SNX24: variants seen among roughly 807,000 people sequenced by gnomAD.
SNX24 encodes the protein sorting nexin-24.
Under a neutral mutation model 28.7 loss-of-function variants are expected in SNX24, and 22 were observed. The observed-to-expected ratio is 0.77, with a 90% confidence interval of 0.55 to 1.10. SNX24 has a LOEUF of 1.10. Among genes scored for constraint, SNX24 ranks in the 50% least tolerant of loss-of-function variants. The pLI is 0.00. For missense variants in SNX24, 221 were observed against 201.1 expected (o/e 1.10, Z -0.60); for synonymous variants, 69 against 71.5 (o/e 0.96, Z 0.18).
intron 1 of SNX24, among the ~76,000 whole-genome samples, chr5:122,907,834 G>A (rs1254556859): frequency 6.6e-6 from 1 of 150,612 alleles, no homozygotes; most frequent in African/African-American, 2.4e-5. Context: ...TTAACACCGT[G>A]GTATAAAATT....
intron 1 of SNX24, among the ~76,000 whole-genome samples, chr5:122,857,506 C>T (rs778840466): frequency 5.3e-5 from 8 of 151,740 alleles, no homozygotes; most frequent in Non-Finnish European, 1.0e-4. Flanking sequence ...TCTCATCATC[C>T]GGGTACTAAA....
intron 3 of SNX24, chr5:122,998,275 G>T (rs574105650): frequency 3.3e-5 from 5 of 151,958 alleles, no homozygotes; most frequent in Non-Finnish European, 7.4e-5. Flanking sequence ...TGAATGCATT[G>T]GTAGATGGGA....
chr5:123,014,333 ATTTTTTTTTTTTTTTT>A (rs70988553), intron 5 of SNX24, among the ~76,000 whole-genome samples: 1 of 77,270 alleles, frequency 1.3e-5, no homozygotes, highest in Non-Finnish European at 2.4e-5. Flanking sequence ...TGCCCAGCTG[ATTTTTTTTTTTTTTTT>A]TTTTTTTTTT....
intron 1 of SNX24, among the ~76,000 whole-genome samples, chr5:122,913,732 T>C (rs1241652528): frequency 4.6e-5 from 7 of 152,170 alleles, no homozygotes; most frequent in African/African-American, 1.7e-4. Context: ...GGCTGCAATC[T>C]CGGCACTTTG....
intron 1 of SNX24, among the ~76,000 whole-genome samples, chr5:122,922,620 C>T (rs1045680066): frequency 2.6e-5 from 4 of 152,006 alleles, no homozygotes; most frequent in East Asian, 3.9e-4. Context: ...TCCTGGGTTC[C>T]GTGGTATAAC....
chr5:122,953,322 C>T (rs1370724714), intron 3 of SNX24, among the ~76,000 whole-genome samples: 1 of 152,122 alleles, frequency 6.6e-6, no homozygotes, highest in Non-Finnish European at 1.5e-5. Context: ...CCAGGCTGGT[C>T]TCAAACTCCT....
chr5:122,883,771 T>C (rs1251501152), intron 1 of SNX24, among the ~76,000 whole-genome samples: 1 of 152,106 alleles, frequency 6.6e-6, no homozygotes, highest in Non-Finnish European at 1.5e-5. Flanking sequence ...CACCTTACCC[T>C]CCGGAATAGC....
chr5:122,858,640 A>G (rs891712542), intron 1 of SNX24, among the ~76,000 whole-genome samples: 5 of 152,198 alleles, frequency 3.3e-5, no homozygotes, highest in Admixed American at 6.5e-5. Context: ...GTAGCAGTTT[A>G]TGAGTGTATA....
At chr5:123,019,778 G>T (rs1399191717) in intron 5 of SNX24, among the ~76,000 whole-genome samples, 5 of 152,224 alleles carry the variant, frequency 3.3e-5, no homozygotes. Context: ...CTAGTAACGT[G>T]ATCTGCAAAA....
At chr5:122,962,745 C>G (rs796945674) in intron 3 of SNX24, among the ~76,000 whole-genome samples, 32 of 152,310 alleles carry the variant, frequency 2.1e-4, no homozygotes, top group African/African-American at 7.0e-4. Flanking sequence ...AAAATATTAA[C>G]TCTAGTGGAT....
At chr5:122,980,494 GA>G (rs1288382037) in intron 3 of SNX24, among the ~76,000 whole-genome samples, 1 of 152,026 alleles carries the variant, frequency 6.6e-6, no homozygotes, top group African/African-American at 2.4e-5. Flanking sequence ...GTTTGGGGTT[GA>G]AATTTAATTT....
At chr5:122,914,681 C>A (rs902789374) in intron 1 of SNX24, among the ~76,000 whole-genome samples, 1 of 150,922 alleles carries the variant, frequency 6.6e-6, no homozygotes, top group Non-Finnish European at 1.5e-5. Context: ...AGTTTATTTG[C>A]GTAGAGGTGT....
chr5:122,963,634 T>G (rs1760577463), intron 3 of SNX24, among the ~76,000 whole-genome samples: 2 of 152,206 alleles, frequency 1.3e-5, no homozygotes, highest in South Asian at 4.1e-4. Flanking sequence ...ATATTTTTGA[T>G]TAGTATTTTA....
chr5:122,972,607 G>A (rs1761003411), intron 3 of SNX24, among the ~76,000 whole-genome samples: 1 of 152,210 alleles, frequency 6.6e-6, no homozygotes, highest in African/African-American at 2.4e-5. Context: ...TAGCTGTAAA[G>A]TGAGTGCCTT....
chr5:122,856,525 CTT>C (rs1184957460), intron 1 of SNX24, among the ~76,000 whole-genome samples: 27 of 131,486 alleles, frequency 2.1e-4, no homozygotes, highest in Admixed American at 2.3e-4. Context: ...AGTTCTGTGT[CTT>C]TTTTTTTTTT....
intron 1 of SNX24, among the ~76,000 whole-genome samples, chr5:122,873,164 G>A (rs1257083740): frequency 2.0e-5 from 3 of 151,910 alleles, no homozygotes; most frequent in South Asian, 2.1e-4. Context: ...TTCTAGAGAC[G>A]GGGTTTTGCC....
chr5:122,995,868 G>A (rs933852710), intron 3 of SNX24, among the ~76,000 whole-genome samples: 8 of 152,092 alleles, frequency 5.3e-5, no homozygotes, highest in African/African-American at 1.7e-4. Flanking sequence ...TGATCCCATC[G>A]CTACCCTGCA....
rs141692941 is a variant in SNX24 at position 123,005,460 on chromosome 5, T to C, written c.443-2222T>C. Reference sequence around the variant, plus strand: ...GCCCTCTCCAGCCCATGCCCTGCTGTATTTTTCTCCTTGCCCTGTTCTTGT... The same window carrying C: ...GCCCTCTCCAGCCCATGCCCTGCTGCATTTTTCTCCTTGCCCTGTTCTTGT... On this transcript the variant is annotated intron_variant, in intron 6 of 6. Transcript: ENST00000261369. 4.6e-5 allele frequency among the ~76,000 whole-genome samples: 7 copies of C among 152,362 alleles called. No homozygotes were observed. The East Asian group carries it at 1.4e-3, about 29-fold the overall frequency.
chr5:122,969,383 T>TC (rs1760855780), intron 3 of SNX24, among the ~76,000 whole-genome samples: 1 of 152,170 alleles, frequency 6.6e-6, no homozygotes. Context: ...CTAAAACATT[T>TC]CCTGGTTTTG....
Sources: gnomAD v4.1 joint callset for allele counts (sites outside exome capture counted in the v4.1 genomes callset) on GRCh38, gnomAD v4.1.1 for gene constraint, MANE v1.5 for transcripts, NCBI Gene and HGNC (gene_info 2026-07-23, HGNC 2026-07-21) for gene names.